SAC3D1: variants seen among roughly 807,000 people sequenced by gnomAD.
SAC3D1 encodes the protein SAC3 domain-containing protein 1.
Under a neutral mutation model 12.7 loss-of-function variants are expected in SAC3D1, and 10 were observed. That is an observed-to-expected ratio of 0.79 (90% CI 0.49 to 1.34). The LOEUF (loss-of-function observed/expected upper bound fraction) is 1.34, where lower values mean the gene tolerates loss of function less well. SAC3D1 is among the 40% of genes most tolerant of loss of function. SAC3D1 has a pLI of 0.00. For missense variants in SAC3D1, 482 were observed against 531.1 expected, an observed-to-expected ratio of 0.91 and a Z score of 0.91; for synonymous variants, 241 against 250.8, an observed-to-expected ratio of 0.96 and a Z score of 0.37.
chr11:65,041,405 G>A lies in SAC3D1; in HGVS notation c.113G>A (p.Cys38Tyr), dbSNP rs565898484. 2,441 of 1,506,654 alleles carry A rather than the reference G, an allele frequency of 1.6e-3. 55 individuals carry two copies. The South Asian group carries it at 0.029, about 18-fold the overall frequency. The allele number at this position is 1,506,654 out of a possible 1,614,324, so 93.3% of individuals were successfully genotyped here. ...RLHRLEVVPGCRQDPPRADPQ... is the reference protein window; with the variant it reads ...RLHRLEVVPGYRQDPPRADPQ... ...CACCGCTTGGAGGTGGTGCCGGGTT[G>A]CCGCCAGGACCCGCCCCGCGCGGAT... Residue 38 changes from cysteine to tyrosine, a missense_variant, in exon 1 of 2, where the codon TGC becomes TAC. This residue lies in a region of SAC3D1 where 197 missense variants were observed against 183.2 expected (regional missense o/e 1.08). Transcript: ENST00000652489.
intron 1 of SAC3D1, among the ~76,000 whole-genome samples, chr11:65,043,667 C>CA (rs1212412962): frequency 1.2e-5 from 1 of 80,146 alleles, no homozygotes; most frequent in Non-Finnish European, 2.7e-5. Flanking sequence ...ACAATTTTAA[C>CA]AAAATGCTGT....
intron 1 of SAC3D1, among the ~76,000 whole-genome samples, chr11:65,042,556 T>G (rs371902896): frequency 1.1e-4 from 16 of 151,932 alleles, no homozygotes; most frequent in African/African-American, 3.4e-4. Context: ...CTTTCTTTGT[T>G]TTTGAGACAG....
At chr11:65,042,361 C>CT (rs975126968) in intron 1 of SAC3D1, among the ~76,000 whole-genome samples, 1 of 152,074 alleles carries the variant, frequency 6.6e-6, no homozygotes, top group African/African-American at 2.4e-5. Context: ...TCACAAAGTG[C>CT]TGGGATTACA....
intron 1 of SAC3D1, among the ~76,000 whole-genome samples, chr11:65,043,655 A>G (rs1946654727): frequency 7.2e-6 from 1 of 139,302 alleles, no homozygotes; most frequent in Non-Finnish European, 1.6e-5. Flanking sequence ...GCCCTGCCCT[A>G]TACAATTTTA....
Position 65,041,366 on chromosome 11 carries a change from G to T in SAC3D1, c.74G>T (p.Arg25Met). Reference sequence around the variant, plus strand: ...GCCGCCGAGCGCGCCCAGCGCGAAAGGGAGCACCGCCTGCACCGCTTGGAG... The same window carrying T: ...GCCGCCGAGCGCGCCCAGCGCGAAATGGAGCACCGCCTGCACCGCTTGGAG... Reference protein sequence around the residue: ...CPAAERAQREREHRLHRLEVV... With the variant: ...CPAAERAQREMEHRLHRLEVV... Residue 25 changes from arginine (R) to methionine (M), a missense_variant, in exon 1 of 2, where the codon AGG becomes ATG. This residue lies in a region of SAC3D1 where 197 missense variants were observed against 183.2 expected (regional missense o/e 1.08). Transcript: ENST00000652489. 2.6e-6 allele frequency: 4 copies of T among 1,510,562 alleles called. No individual in the cohort carries two copies. The highest frequency in any genetic ancestry group is 3.5e-6 in the Non-Finnish European group (4 of 1,136,694). The allele number at this position is 1,510,562 out of a possible 1,614,324, so 93.6% of individuals were successfully genotyped here.
intron 1 of SAC3D1, among the ~76,000 whole-genome samples, chr11:65,043,615 CAAAAAAAAAAAA>C (rs58109119): frequency 5.3e-4 from 30 of 56,200 alleles, no homozygotes; most frequent in East Asian, 2.5e-3. Flanking sequence ...AAGTCTGTCT[CAAAAAAAAAAAA>C]AAAAAAAAAA....
rs201643677 is a variant in SAC3D1, at chr11:65,044,283, G to C, written c.633G>C (p.Pro211=). The C allele has an allele frequency of 1.3e-5, 21 of 1,613,124 alleles. No homozygotes were observed. Among genetic ancestry groups the C allele is most frequent in the Non-Finnish European group, 1.7e-5 (20 of 1,180,026 alleles). ...TGCCTGCTGCCCTGCGCGCCTGCCC[G>C]CCCCTCCGCAAGGCCTTGGCGGTAG... is the stretch of plus-strand genomic sequence containing the variant. ...LQLPAALRAC[P]PLRKALAVDA... is the part of the protein sequence containing the mutation. Residue 211 remains proline (P), a synonymous_variant, in exon 2 of 2, where the codon CCG becomes CCC. Coordinates refer to ENST00000652489, the MANE Select transcript of SAC3D1 (RefSeq NM_013299.4). This position sits in a 1 kb window ranked among gnomAD's most constrained non-coding sequence, Gnocchi z 4.0.
chr11:65,041,201 C>T (rs1210569471), upstream of SAC3D1: 1 of 1,183,454 alleles, frequency 8.4e-7, no homozygotes, highest in Non-Finnish European at 1.1e-6. Flanking sequence ...CCCGACCCGC[C>T]GCTCCCCACC....
chr11:65,042,293 C>CTCT (rs1946622910), intron 1 of SAC3D1, among the ~76,000 whole-genome samples: 2 of 152,020 alleles, frequency 1.3e-5, no homozygotes, highest in Non-Finnish European at 2.9e-5. Context: ...ACGGGGGTTT[C>CTCT]ACCATGTTGG....
chr11:65,041,604 C>T lies in SAC3D1; in HGVS notation c.312C>T (p.Arg104=). The T allele has an allele frequency of 6.8e-7, 1 of 1,471,984 alleles. No homozygotes were observed. Among genetic ancestry groups the T allele is most frequent in the East Asian group, 3.0e-5 (1 of 33,850 alleles). The allele number at this position is 1,471,984 out of a possible 1,614,324, so 91.2% of individuals were successfully genotyped here. A position where few individuals can be genotyped will look rare whatever the true frequency, so the allele number is the denominator to read the frequency against. Reference sequence around the variant, plus strand: ...AGGTGGCCAGCTTCGTGGCAGACCGCTTGCGAGCTGTGCTCCTGGACCTGG... The same window carrying T: ...AGGTGGCCAGCTTCGTGGCAGACCGTTTGCGAGCTGTGCTCCTGGACCTGG... ...RAEVASFVAD[R]LRAVLLDLAL... is the part of the protein sequence containing the mutation. Residue 104 remains arginine, a synonymous_variant, in exon 1 of 2, where the codon CGC becomes CGT. Coordinates refer to ENST00000652489, the MANE Select transcript of SAC3D1 (RefSeq NM_013299.4).
chr11:65,041,134 C>A, upstream of SAC3D1: 1 of 726,408 alleles, frequency 1.4e-6, no homozygotes, highest in Non-Finnish European at 2.2e-6. Flanking sequence ...GCTCGATGGG[C>A]GGCCCGAAGG....
Position 65,044,598 on chromosome 11 carries a change from G to T in SAC3D1, c.948G>T (p.Glu316Asp), listed in dbSNP as rs923524814. 1 of 1,614,084 alleles carries T rather than the reference G, an allele frequency of 6.2e-7. No homozygotes were observed. Among genetic ancestry groups the T allele is most frequent in the East Asian group, 2.2e-5 (1 of 44,872 alleles). The change falls in exon 2 of 2, where the codon GAG becomes GAT. Residue 316 changes from glutamate to aspartate, a missense_variant. Transcript: ENST00000652489. This position sits in a 1 kb window ranked among gnomAD's most constrained non-coding sequence, Gnocchi z 4.0. ...RVVFLRGRYV[E>D]EGLPPASTCK... ...TGTTCCTGAGGGGTCGCTACGTGGA[G>T]GAAGGGCTACCGCCTGCCAGTACGT...
At position 65,044,643 on chromosome 11, in the gene SAC3D1, C is replaced by A; in HGVS notation, c.993C>A (p.Ser331Arg). The A allele has an allele frequency of 6.2e-7, 1 of 1,613,850 alleles. No homozygotes were observed. The highest frequency in any genetic ancestry group is 8.5e-7 in the Non-Finnish European group (1 of 1,180,016). Residue 331 changes from serine (S) to arginine (R), a missense_variant, in exon 2 of 2, where the codon AGC becomes AGA. Ser to Arg is a moderately radical substitution (Grantham distance 110). Transcript: ENST00000652489. This position sits in a 1 kb window ranked among gnomAD's most constrained non-coding sequence, Gnocchi z 4.0. ...PASTCKVLVE[S>R]KLRGRTLEEV... The stretch of plus-strand genomic sequence containing the variant: ...GTACGTGCAAGGTGTTAGTGGAGAG[C>A]AAACTTCGAGGACGTACCCTGGAGG...
intron 1 of SAC3D1, chr11:65,043,012 A>AT: frequency 3.7e-5 from 16 of 429,426 alleles, no homozygotes; most frequent in East Asian, 1.6e-4. Context: ...ACTTAAAAAA[A>AT]TTTTTTTTGT....
In SAC3D1 at chr11:65,044,080, T is replaced by C; in HGVS notation, c.575-145T>C. On this transcript the variant is annotated intron_variant, in intron 1 of 1. Transcript: ENST00000652489. This position sits in a 1 kb window ranked among gnomAD's most constrained non-coding sequence, Gnocchi z 4.0. The stretch of plus-strand genomic sequence containing the variant: ...ATAGGTTGGGGAAGGAGCCAAAGGC[T>C]GGCCCTTAGAGGGGAGAGGGAAGTT... 1 of 894,266 alleles carries C rather than the reference T, an allele frequency of 1.1e-6. No individual in the cohort carries two copies. Among genetic ancestry groups the C allele is most frequent in the Non-Finnish European group, 1.7e-6 (1 of 584,450 alleles). 55.4% of individuals were successfully genotyped at this position (894,266 alleles called of 1,614,324 possible).
chr11:65,043,690 C>T (rs1390948054), intron 1 of SAC3D1, among the ~76,000 whole-genome samples: 1 of 147,586 alleles, frequency 6.8e-6, no homozygotes, highest in African/African-American at 2.5e-5. Context: ...ACTTCACAAC[C>T]TACTTATTGG....
chr11:65,041,344 G>A lies in SAC3D1; in HGVS notation c.52G>A (p.Ala18Thr). 6.6e-7 allele frequency: 1 copy of A among 1,509,516 alleles called. No homozygotes were observed. The highest frequency in any genetic ancestry group is 8.8e-7 in the Non-Finnish European group (1 of 1,136,268). 93.5% of individuals were successfully genotyped at this position (1,509,516 alleles called of 1,614,324 possible). A position where few individuals can be genotyped will look rare whatever the true frequency, so the allele number is the denominator to read the frequency against. ...CACCTGCCCGGACATGTGCCCGGCC[G>A]CCGAGCGCGCCCAGCGCGAAAGGGA... The part of the protein sequence containing the change: ...VGTCPDMCPA[A>T]ERAQREREHR... The change falls in exon 1 of 2, where the codon GCC becomes ACC. Residue 18 changes from alanine (A) to threonine (T), a missense_variant. Ala to Thr is a moderately conservative substitution (Grantham distance 58, BLOSUM62 0). Transcript: ENST00000652489.
Position 65,044,296 on chromosome 11 carries a change from G to T in SAC3D1, c.646G>T (p.Ala216Ser), listed in dbSNP as rs764949593. The change falls in exon 2 of 2, where the codon GCC (alanine) becomes TCC (serine). Residue 216 changes from alanine (A) to serine (S), a missense_variant. Physicochemically the swap from Ala to Ser is moderately conservative, Grantham distance 99 (BLOSUM62 1). Around this residue, in one of 3 missense-constraint regions of SAC3D1, gnomAD observed 225 missense variants for 241.1 expected, o/e 0.93. Transcript: ENST00000652489. This position sits in a 1 kb window ranked among gnomAD's most constrained non-coding sequence, Gnocchi z 4.0. ...GCGCGCCTGCCCGCCCCTCCGCAAG[G>T]CCTTGGCGGTAGATGCTGCCTTCCG... is the stretch of plus-strand genomic sequence containing the variant. ...ALRACPPLRK[A>S]LAVDAAFREG... 3 of 1,613,352 alleles carry T rather than the reference G, an allele frequency of 1.9e-6. No homozygotes were observed. Among genetic ancestry groups the T allele is most frequent in the Non-Finnish European group, 2.5e-6 (3 of 1,180,032 alleles).
chr11:65,041,127 C>G (rs1219227164), upstream of SAC3D1: 1 of 698,338 alleles, frequency 1.4e-6, no homozygotes, highest in Admixed American at 3.0e-5. Flanking sequence ...AGAGGTGGCT[C>G]GATGGGCGGC....
Sources: gnomAD v4.1 joint callset for allele counts (sites outside exome capture counted in the v4.1 genomes callset) on GRCh38, gnomAD v4.1.1 for gene constraint, gnomAD v4.1.1 regional missense constraint, Gnocchi (gnomAD v3.1) non-coding constraint, MANE v1.5 for transcripts, NCBI Gene and HGNC (gene_info 2026-07-23, HGNC 2026-07-21) for gene names.